DNAH10: variants seen among roughly 807,000 people sequenced by gnomAD.
DNAH10 encodes the protein axonemal beta dynein heavy chain 10.
A neutral mutation model predicts 506.6 loss-of-function variants in DNAH10; 348 were observed. That is an observed-to-expected ratio of 0.69 (90% CI 0.63 to 0.75). DNAH10 has a LOEUF of 0.75. DNAH10 is among the 30% of genes least tolerant of loss of function. The probability of loss-of-function intolerance (pLI) is 0.00; values close to 1 mark genes in which losing one functional copy is unlikely to be tolerated. For missense variants in DNAH10, 5,179 were observed against 5,787.1 expected, an observed-to-expected ratio of 0.89 and a Z score of 3.41; for synonymous variants, 2,059 against 2,198.6, an observed-to-expected ratio of 0.94 and a Z score of 1.78.
In DNAH10 at chr12:123,846,117, C is replaced by T. The variant is rs368844053; in HGVS notation, c.5777C>T (p.Thr1926Met). ...GGCCTGAACGGCAGGCTGGTCATCA[C>T]GCCCCTCACCGATCGGATTTACCTG... ...YMGLNGRLVI[T>M]PLTDRIYLTL... The change falls in exon 32 of 79, where the codon ACG (threonine) becomes ATG (methionine). Residue 1926 changes from threonine (T) to methionine (M), a missense_variant. Transcript: ENST00000673944. The surrounding 1 kb of genome is among the most constrained non-coding windows in gnomAD (Gnocchi z 4.5). 28 of 1,613,816 alleles carry T rather than the reference C, an allele frequency of 1.7e-5. No homozygotes were observed. The highest frequency in any genetic ancestry group is 1.3e-4 in the African/African-American group (10 of 75,048).
At chr12:123,868,602 C>T (rs1951903802) in intron 43 of DNAH10, among the ~76,000 whole-genome samples, 1 of 152,174 alleles carries the variant, frequency 6.6e-6, no homozygotes, top group Admixed American at 6.5e-5. Flanking sequence ...TATGTTTTTG[C>T]ACAAAAATGT....
At position 123,879,325 on chromosome 12, in the gene DNAH10, G is replaced by C; in HGVS notation, c.8434G>C (p.Asp2812His). 1 of 1,575,362 alleles carries C rather than the reference G, an allele frequency of 6.3e-7. No homozygotes were observed. The highest frequency in any genetic ancestry group is 8.6e-7 in the Non-Finnish European group (1 of 1,160,008). Residue 2812 changes from aspartate (D) to histidine (H), a missense_variant, in exon 49 of 79, where the codon GAC (aspartate) becomes CAC (histidine). Transcript: ENST00000673944. ...GAATGAGTGTCTGAGAGTCTTCCAC[G>C]ACCGGCTGATCAGTGAAACAGACAA... ...WRNECLRVFH[D>H]RLISETDKQL...
Position 123,857,064 on chromosome 12 carries a change from G to A in DNAH10, c.6447G>A (p.Val2149=), listed in dbSNP as rs1312834985. 6.2e-7 allele frequency: 1 copy of A among 1,609,740 alleles called. No individual in the cohort carries two copies. The highest frequency in any genetic ancestry group is 1.7e-5 in the Admixed American group (1 of 59,312). The part of the protein sequence containing the change: ...RGSSDLREDV[V]LMRALRDMNL... The stretch of plus-strand genomic sequence containing the variant: ...TGTTTCATTTCCTGCAGGACGTGGT[G>A]CTGATGAGGGCCTTGCGAGACATGA... The change falls in exon 37 of 79, where the codon GTG becomes GTA. Residue 2149 remains valine, a synonymous_variant. Coordinates refer to ENST00000673944, the MANE Select transcript of DNAH10 (RefSeq NM_001372106.1).
At chr12:123,799,029 C>T (rs141636772) in intron 13 of DNAH10, among the ~76,000 whole-genome samples, 15,081 of 145,972 alleles carry the variant, frequency 0.1, 1,458 homozygotes, top group African/African-American at 0.26. Context: ...CGCTTGAGCC[C>T]GGGAGGCGAA....
At chr12:123,809,763 T>C (rs1480343923) in intron 19 of DNAH10, among the ~76,000 whole-genome samples, 2 of 152,204 alleles carry the variant, frequency 1.3e-5, no homozygotes, top group East Asian at 3.8e-4. Flanking sequence ...CAGATATCTT[T>C]GTGTGCTCTG....
rs767940904 is a variant in DNAH10 at position 123,853,214 on chromosome 12, G to A, written c.6300G>A (p.Ala2100=). ...SEGFLEAKTL[A]KKMTVLYKLA... ...TATCTTCTATCAAAAAGACTCTGGCGAAAAAGATGACGGTTCTGTATAAGC... is the reference window on the plus strand; with the variant it reads ...TATCTTCTATCAAAAAGACTCTGGCAAAAAAGATGACGGTTCTGTATAAGC... The change falls in exon 36 of 79, where the codon GCG becomes GCA. Residue 2100 remains alanine, a synonymous_variant. Transcript: ENST00000673944. This position sits in a 1 kb window ranked among gnomAD's most constrained non-coding sequence, Gnocchi z 4.7. The A allele has an allele frequency of 2.0e-5, 32 of 1,595,534 alleles. No individual in the cohort carries two copies. The highest frequency in any genetic ancestry group is 4.5e-5 in the South Asian group (4 of 88,056).
Position 123,767,732 on chromosome 12 carries a change from GC to G in DNAH10, c.298+50del, listed in dbSNP as rs769538565. 7.1e-6 allele frequency: 11 copies of G among 1,552,060 alleles called. 1 individual carries two copies. In the Admixed American group the frequency reaches 9.1e-5, roughly 13 times the overall value. On this transcript the variant is annotated intron_variant, in intron 2 of 78. Transcript: ENST00000673944. Reference sequence around the variant, plus strand: ...GTCATGGGAGGGTGGAACTGAGAAAGCCCCCCCGCAGCGGGAGTAGGGTGCT... The same window carrying G: ...GTCATGGGAGGGTGGAACTGAGAAAGCCCCCCGCAGCGGGAGTAGGGTGCT...
In DNAH10 at chr12:123,914,569, C is replaced by T; in HGVS notation, c.10574+19C>T. The T allele has an allele frequency of 1.2e-6, 2 of 1,607,788 alleles. No homozygotes were observed. The highest frequency in any genetic ancestry group is 1.7e-6 in the Non-Finnish European group (2 of 1,177,048). ...TCAGCAGGTGTGTGGCACCCTGAGCCAGCAGGAGGGAGGGGACACCTTAGC... is the reference window on the plus strand; with the variant it reads ...TCAGCAGGTGTGTGGCACCCTGAGCTAGCAGGAGGGAGGGGACACCTTAGC... On this transcript the variant is annotated intron_variant, in intron 61 of 78. Coordinates refer to ENST00000673944, the MANE Select transcript of DNAH10 (RefSeq NM_001372106.1).
intron 65 of DNAH10, among the ~76,000 whole-genome samples, chr12:123,922,491 C>G (rs1954773568): frequency 6.6e-6 from 1 of 152,202 alleles, no homozygotes; most frequent in South Asian, 2.1e-4. Flanking sequence ...GTGTCCCTTT[C>G]CAGTCCTCTT....
rs1410649541 is a variant in DNAH10, at chr12:123,929,502, T to A, written c.12516+18T>A. ...ACTTCCAGGTGACAGTGGCTGCTTC[T>A]CCTTGGAAATGGCTTCCTTAGGCGG... On this transcript the variant is annotated intron_variant, in intron 71 of 78. Coordinates refer to ENST00000673944, the MANE Select transcript of DNAH10 (RefSeq NM_001372106.1). 3.1e-6 allele frequency: 5 copies of A among 1,609,138 alleles called. No individual in the cohort carries two copies. The East Asian group carries it at 1.1e-4, about 36-fold the overall frequency.
intron 5 of DNAH10, among the ~76,000 whole-genome samples, chr12:123,779,889 AAAAC>A (rs1490654263): frequency 1.1e-4 from 17 of 152,312 alleles, no homozygotes; most frequent in African/African-American, 3.8e-4. Context: ...CTAAAAAACA[AAAAC>A]AAAACTCAGC....
intron 78 of DNAH10, 78 bp from the exon 79 acceptor site, chr12:123,935,257 A>G (rs1955440457): frequency 7.1e-6 from 11 of 1,546,564 alleles, no homozygotes; most frequent in Non-Finnish European, 9.7e-6. Context: ...CTGCCTGTCA[A>G]GACTTACACT....
At chr12:123,822,541 G>A (rs551544525) in intron 24 of DNAH10, among the ~76,000 whole-genome samples, 1 of 152,026 alleles carries the variant, frequency 6.6e-6, no homozygotes, top group Non-Finnish European at 1.5e-5. Context: ...ATCTACATCT[G>A]TATTACATTA....
Position 123,796,662 on chromosome 12 carries a change from A to G in DNAH10, c.1993A>G (p.Ile665Val), listed in dbSNP as rs146898630. The change falls in exon 13 of 79, where the codon ATC becomes GTC. Residue 665 changes from isoleucine to valine, a missense_variant. Coordinates refer to ENST00000673944, the MANE Select transcript of DNAH10 (RefSeq NM_001372106.1). ...ILAQYCKEID[I>V]INKIFVQNLE... The stretch of plus-strand genomic sequence containing the variant: ...CTGTTTGATTGCTTTTCAGATTGAC[A>G]TCATTAATAAAATCTTTGTCCAGAA... The G allele has an allele frequency of 3.1e-6, 5 of 1,603,720 alleles. No homozygotes were observed. In the African/African-American group the frequency reaches 5.4e-5, roughly 17 times the overall value.
At chr12:123,908,619 C>G in intron 57 of DNAH10, 1 of 450,742 alleles carries the variant, frequency 2.2e-6, no homozygotes, top group Non-Finnish European at 4.5e-6. Flanking sequence ...TCTCCTGTTC[C>G]GTTGGCAGTT....
intron 56 of DNAH10, 31 bp downstream of exon 56, chr12:123,898,845 C>T (rs1412417303): frequency 6.3e-7 from 1 of 1,575,694 alleles, no homozygotes; most frequent in East Asian, 2.3e-5. Context: ...GGCAGCCCAT[C>T]CCCAACACCC....
chr12:123,928,390 G>A lies in DNAH10; in HGVS notation c.12109G>A (p.Ala4037Thr). 2.5e-6 allele frequency: 4 copies of A among 1,595,198 alleles called. No homozygotes were observed. The highest frequency in any genetic ancestry group is 1.7e-5 in the Admixed American group (1 of 57,334). Residue 4037 changes from alanine (A) to threonine (T), a missense_variant, in exon 70 of 79, where the codon GCC becomes ACC. Transcript: ENST00000673944. The surrounding 1 kb of genome is among the most constrained non-coding windows in gnomAD (Gnocchi z 4.9). ...LAMGQGQEKVALQLLETAVAR... is the reference protein window; with the variant it reads ...LAMGQGQEKVTLQLLETAVAR... ...TCTTCCCTCTCCCCCGGCGCAGGTG[G>A]CCCTGCAGCTGCTGGAGACGGCGGT... is the stretch of plus-strand genomic sequence containing the variant.
intron 13 of DNAH10, among the ~76,000 whole-genome samples, chr12:123,798,579 T>G (rs1271957864): frequency 6.6e-6 from 1 of 152,116 alleles, no homozygotes; most frequent in South Asian, 2.1e-4. Context: ...GTATGAGATT[T>G]GGGAGGACAG....
At position 123,800,252 on chromosome 12, in the gene DNAH10, AG is replaced by A. The variant is rs1307805529; in HGVS notation, c.2330del (p.Gly777GlufsTer22). 6.2e-7 allele frequency: 1 copy of A among 1,614,040 alleles called. No individual in the cohort carries two copies. Among genetic ancestry groups the A allele is most frequent in the Non-Finnish European group, 8.5e-7 (1 of 1,179,972 alleles). On this transcript the variant is annotated frameshift_variant, in exon 15 of 79. Coordinates refer to ENST00000673944, the MANE Select transcript of DNAH10 (RefSeq NM_001372106.1). LOFTEE classifies it high-confidence loss of function. The stretch of plus-strand genomic sequence containing the variant: ...CACAGAGGAGCCTTCGACTTTAGAA[AG>A]GGGAGCTGTTTTTGCAATCAACTTT... ...IATEEPSTLERGAVFAINFSP... is the reference protein window; with the variant it reads ...IATEEPSTLEXGAVFAINFSP...
Sources: gnomAD v4.1 joint callset for allele counts (sites outside exome capture counted in the v4.1 genomes callset) on GRCh38, gnomAD v4.1.1 for gene constraint, Gnocchi (gnomAD v3.1) non-coding constraint, MANE v1.5 for transcripts, NCBI Gene and HGNC (gene_info 2026-07-23, HGNC 2026-07-21) for gene names.